Variants in NUTM2E observed in about 807,000 individuals in gnomAD.
NUTM2E encodes NUT family member 2E.
NUTM2E carries 3 observed loss-of-function variants against 26.1 expected under a neutral mutation model. The ratio of observed to expected loss-of-function variants is 0.12; its 90% CI spans 0.05 to 0.30. The LOEUF (loss-of-function observed/expected upper bound fraction) is 0.30. Among genes scored for constraint, NUTM2E ranks in the 10% least tolerant of loss-of-function variants. The probability of loss-of-function intolerance (pLI) is 1.00; values close to 1 mark genes in which losing one functional copy is unlikely to be tolerated. For synonymous variants in NUTM2E, 13 were observed against 157.5 expected (o/e 0.08, Z 6.87); for missense variants, 62 against 381.3 (o/e 0.16, Z 6.97).
chr10:79,840,627 C>A lies in NUTM2E; in HGVS notation c.-1114C>A, dbSNP rs1397090374. 6.7e-6 allele frequency among the ~76,000 whole-genome samples: 1 copy of A among 150,298 alleles called. No individual in the cohort carries two copies. The highest frequency in any genetic ancestry group is 1.5e-5 in the Non-Finnish European group (1 of 67,574). On this transcript the variant is annotated 5_prime_UTR_variant, in exon 4 of 10. Coordinates refer to ENST00000429984, the MANE Select transcript of NUTM2E (RefSeq NM_001355263.2). ...CTTGCAATCCACCACTTGCCCCTGC[C>A]CCTGCCCCTGCAGTGTGGCCGCTGT...
Position 79,835,289 on chromosome 10 carries a change from A to G in NUTM2E, c.-2727-3020A>G, listed in dbSNP as rs374535896. ...AATAATCCGGACTCTAGTCTCCTCA[A>G]TTATAAAACAGGGAATAATAATGGA... On this transcript the variant is annotated intron_variant, in intron 1 of 9. Coordinates refer to ENST00000429984, the MANE Select transcript of NUTM2E (RefSeq NM_001355263.2). 1.1e-3 allele frequency among the ~76,000 whole-genome samples: 169 copies of G among 151,438 alleles called. 1 individual carries two copies. The highest frequency in any genetic ancestry group is 3.8e-3 in the African/African-American group (158 of 41,364).
chr10:79,831,616 A>G, intron 1 of NUTM2E, among the ~76,000 whole-genome samples: 1 of 151,966 alleles, frequency 6.6e-6, no homozygotes, highest in Non-Finnish European at 1.5e-5. Context: ...AGTATATAAC[A>G]GCATGTACTG....
Position 79,841,094 on chromosome 10 carries a change from A to G in NUTM2E, c.-647A>G, listed in dbSNP as rs927759639. Among the ~76,000 whole-genome samples the G allele has an allele frequency of 6.6e-5, 8 of 120,660 alleles. No individual in the cohort carries two copies. The highest frequency in any genetic ancestry group is 2.4e-4 in the African/African-American group (8 of 33,530). 79.2% of individuals were successfully genotyped at this position (120,660 alleles called of 152,430 possible). On this transcript the variant is annotated 5_prime_UTR_variant, in exon 4 of 10. Coordinates refer to ENST00000429984, the MANE Select transcript of NUTM2E (RefSeq NM_001355263.2). ...TCCAAACAGCAAGAACGTATGGTGA[A>G]GACGAGGCCAACAGTGAGCTGAGAG...
In NUTM2E at chr10:79,845,295, C is replaced by G. The variant is rs1456759579; in HGVS notation, c.1082+423C>G. Among the ~76,000 whole-genome samples the G allele has an allele frequency of 8.8e-5, 10 of 113,516 alleles. 2 individuals carry two copies. The highest frequency in any genetic ancestry group is 2.8e-4 in the African/African-American group (10 of 35,674). The allele number at this position is 113,516 out of a possible 152,430, so 74.5% of individuals were successfully genotyped here. ...AGGAGCTGCAGGGCCCAGCAGGAAC[C>G]TGGCACATGCCCGCAGTTCCGCTGA... On this transcript the variant is annotated intron_variant, in intron 5 of 9. Coordinates refer to ENST00000429984, the MANE Select transcript of NUTM2E (RefSeq NM_001355263.2).
chr10:79,834,765 A>G (rs4934325), intron 1 of NUTM2E, among the ~76,000 whole-genome samples: 129,977 of 148,300 alleles, frequency 0.88, 57,590 homozygotes, highest in Non-Finnish European at 0.95. Context: ...TCTTAAGAAA[A>G]AGATTGAAAC....
chr10:79,842,227 A>AG (rs1367166394), intron 4 of NUTM2E, 105 bp downstream of exon 4: 13 of 486,722 alleles, frequency 2.7e-5, no homozygotes, highest in Non-Finnish European at 4.8e-5. Flanking sequence ...GCTGATGTTG[A>AG]GGAGGGAGGG....
At chr10:79,830,994 T>G (rs370068466) in intron 1 of NUTM2E, among the ~76,000 whole-genome samples, 1 of 151,888 alleles carries the variant, frequency 6.6e-6, no homozygotes, top group Admixed American at 6.6e-5. Flanking sequence ...TCTCAGTGTT[T>G]CACTCTTGCT....
rs1418018874 is a variant in NUTM2E at position 79,848,620 on chromosome 10, C to T, written c.1459C>T (p.Arg487Trp). The change falls in exon 8 of 10, where the codon CGG (arginine) becomes TGG (tryptophan). Residue 487 changes from arginine to tryptophan, a missense_variant. Transcript: ENST00000429984. The part of the protein sequence containing the change: ...KARRPPPQPH[R>W]RAETKARLPP... ...CCGCCGGCCACCACCCCAGCCCCAC[C>T]GGCGAGCAGAGACCAAGGCCCGCCT... 27 of 626,762 alleles carry T rather than the reference C, an allele frequency of 4.3e-5. 7 individuals are homozygous for T. The highest frequency in any genetic ancestry group is 4.2e-4 in the African/African-American group (12 of 28,738). 38.8% of individuals were successfully genotyped at this position (626,762 alleles called of 1,614,324 possible).
At chr10:79,829,921 T>C (rs1409396515) in intron 1 of NUTM2E, among the ~76,000 whole-genome samples, 2 of 151,060 alleles carry the variant, frequency 1.3e-5, no homozygotes, top group Admixed American at 1.3e-4. Context: ...AAAACAAATA[T>C]TTACCACTGC....
intron 1 of NUTM2E, among the ~76,000 whole-genome samples, chr10:79,834,403 A>G (rs773518764): frequency 9.2e-5 from 14 of 151,754 alleles, no homozygotes; most frequent in South Asian, 2.1e-4. Flanking sequence ...CTAGATATAA[A>G]TTTAATTCAC....
At chr10:79,830,434 AAG>A (rs1841920419) in intron 1 of NUTM2E, among the ~76,000 whole-genome samples, 1 of 151,788 alleles carries the variant, frequency 6.6e-6, no homozygotes, top group South Asian at 2.1e-4. Context: ...TGTATCATGG[AAG>A]AGAGGATAGT....
At chr10:79,839,250 C>T (rs1025251469) in intron 3 of NUTM2E, among the ~76,000 whole-genome samples, 135 bp downstream of exon 3, 1 of 150,840 alleles carries the variant, frequency 6.6e-6, no homozygotes, top group African/African-American at 2.4e-5. Context: ...GATTTCATTC[C>T]TGCTCATGCC....
At chr10:79,834,822 AC>A (rs1205663312) in intron 1 of NUTM2E, among the ~76,000 whole-genome samples, 2 of 146,612 alleles carry the variant, frequency 1.4e-5, no homozygotes, top group Non-Finnish European at 3.0e-5. Context: ...ACCTACACAC[AC>A]ACACACACAC....
chr10:79,840,800 A>G lies in NUTM2E; in HGVS notation c.-941A>G, dbSNP rs1282550471. On this transcript the variant is annotated 5_prime_UTR_variant, in exon 4 of 10. Transcript: ENST00000429984. ...CTCTTCCCTTCCCCAACACCCTCCC[A>G]TCGTGCAAAATTACCCTGCCCAGCA... Among the ~76,000 whole-genome samples the G allele has an allele frequency of 1.6e-5, 2 of 123,160 alleles. No homozygotes were observed. Among genetic ancestry groups the G allele is most frequent in the Non-Finnish European group, 3.5e-5 (2 of 57,086 alleles). The allele number at this position is 123,160 out of a possible 152,430, so 80.8% of individuals were successfully genotyped here.
chr10:79,832,315 CAT>C (rs71482751), intron 1 of NUTM2E, among the ~76,000 whole-genome samples: 4,248 of 151,562 alleles, frequency 0.028, 139 homozygotes, highest in Non-Finnish European at 0.042. Flanking sequence ...TGTGTGTGTG[CAT>C]GTGTGTGTGT....
At chr10:79,830,340 AT>A (rs1485633262) in intron 1 of NUTM2E, among the ~76,000 whole-genome samples, 4 of 151,758 alleles carry the variant, frequency 2.6e-5, no homozygotes, top group Admixed American at 2.6e-4. Context: ...AAATGTAGGT[AT>A]TTTAGTGGAA....
At position 79,840,508 on chromosome 10, in the gene NUTM2E, GA is replaced by G. The variant is rs1841992071; in HGVS notation, c.-1232del. On this transcript the variant is annotated 5_prime_UTR_variant, in exon 4 of 10. It removes the in-frame stop codon of an upstream open reading frame in the 5' UTR. Coordinates refer to ENST00000429984, the MANE Select transcript of NUTM2E (RefSeq NM_001355263.2). ...CTGGACCATTCAGGTTCAGAGTTGG[GA>G]CAAAACCGAGAACTCATGGGGATAT... Among the ~76,000 whole-genome samples, 1 of 134,086 alleles carries G rather than the reference GA, an allele frequency of 7.5e-6. No homozygotes were observed. The highest frequency in any genetic ancestry group is 1.6e-5 in the Non-Finnish European group (1 of 62,176). The allele number at this position is 134,086 out of a possible 152,430, so 88.0% of individuals were successfully genotyped here.
intron 1 of NUTM2E, among the ~76,000 whole-genome samples, chr10:79,830,179 C>T (rs1589305605): frequency 6.6e-6 from 1 of 151,498 alleles, no homozygotes; most frequent in East Asian, 1.9e-4. Flanking sequence ...ACTTAATTTA[C>T]ATACCACACC....
At chr10:79,829,632 T>C (rs1841914012) in intron 1 of NUTM2E, among the ~76,000 whole-genome samples, 1 of 151,918 alleles carries the variant, frequency 6.6e-6, no homozygotes, top group South Asian at 2.1e-4. Flanking sequence ...ACGGTATTTA[T>C]TTACTAAATG....
Sources: gnomAD v4.1 joint callset for allele counts (sites outside exome capture counted in the v4.1 genomes callset) on GRCh38, gnomAD v4.1.1 for gene constraint, MANE v1.5 for transcripts, NCBI Gene and HGNC (gene_info 2026-07-23, HGNC 2026-07-21) for gene names.